The following CNTN5 variants were observed in gnomAD, a reference collection of about 807,000 sequenced individuals.
CNTN5 encodes the protein contactin-5.
Under a neutral mutation model 129.1 loss-of-function variants are expected in CNTN5, and 77 were observed. That is an observed-to-expected ratio of 0.60 (90% CI 0.50 to 0.72). The LOEUF (loss-of-function observed/expected upper bound fraction) is 0.72. Ranked by LOEUF, CNTN5 falls within the 30% of genes least tolerant of loss-of-function variation. The pLI is 0.00. For synonymous variants in CNTN5, 509 were observed against 465.6 expected (o/e 1.09, Z -1.20); for missense variants, 1,478 against 1,328.8 (o/e 1.11, Z -1.75).
intron 3 of CNTN5, among the ~76,000 whole-genome samples, chr11:99,706,804 C>G (rs978990073): frequency 1.7e-4 from 26 of 149,438 alleles, no homozygotes; most frequent in African/African-American, 6.1e-4. Flanking sequence ...GGTGTTCTTC[C>G]TATCATAATC....
chr11:99,288,354 G>C (rs1864030129), intron 1 of CNTN5, among the ~76,000 whole-genome samples: 1 of 151,840 alleles, frequency 6.6e-6, no homozygotes, highest in Non-Finnish European at 1.5e-5. Flanking sequence ...ATGTTCCAAT[G>C]GTTCTCTGGT....
chr11:99,202,846 T>C (rs1018793428), intron 1 of CNTN5, among the ~76,000 whole-genome samples: 1 of 151,734 alleles, frequency 6.6e-6, no homozygotes, highest in African/African-American at 2.4e-5. Context: ...TATTAAAATA[T>C]TTGCCTTTTC....
intron 13 of CNTN5, among the ~76,000 whole-genome samples, chr11:100,110,194 AAAAAAAGAAAAG>A (rs1339588996): frequency 1.1e-4 from 17 of 151,238 alleles, no homozygotes; most frequent in African/African-American, 4.2e-4. Context: ...CTAAAAAAAA[AAAAAAAGAAAAG>A]AAAAAGAAAA....
intron 6 of CNTN5, among the ~76,000 whole-genome samples, chr11:99,847,017 C>T (rs940193692): frequency 6.6e-6 from 1 of 152,238 alleles, no homozygotes; most frequent in Non-Finnish European, 1.5e-5. Context: ...ATAAATAACC[C>T]TCATAATAGC....
At chr11:100,284,222 C>T (rs1950713202) in intron 18 of CNTN5, among the ~76,000 whole-genome samples, 1 of 152,178 alleles carries the variant, frequency 6.6e-6, no homozygotes, top group African/African-American at 2.4e-5. Flanking sequence ...AAACCAAATA[C>T]TGTGAGTGCT....
At chr11:100,340,071 C>T (rs1952126845) in intron 21 of CNTN5, among the ~76,000 whole-genome samples, 1 of 152,100 alleles carries the variant, frequency 6.6e-6, no homozygotes, top group Admixed American at 6.6e-5. Context: ...ACTCAGATGC[C>T]ACATACTCAG....
intron 2 of CNTN5, among the ~76,000 whole-genome samples, chr11:99,426,934 A>G (rs912219175): frequency 1.3e-5 from 2 of 152,232 alleles, no homozygotes; most frequent in Non-Finnish European, 2.9e-5. Context: ...AATTACATGG[A>G]TATAATAATC....
At chr11:99,386,842 A>G (rs2136176026) in intron 2 of CNTN5, among the ~76,000 whole-genome samples, 1 of 152,326 alleles carries the variant, frequency 6.6e-6, no homozygotes, top group African/African-American at 2.4e-5. Context: ...TAAGCAATCA[A>G]CAAATAACCT....
At chr11:99,473,481 T>A (rs756900781) in intron 2 of CNTN5, among the ~76,000 whole-genome samples, 5 of 152,160 alleles carry the variant, frequency 3.3e-5, no homozygotes, top group African/African-American at 4.8e-5. Context: ...CAAGAATAAT[T>A]TGCATTTGAA....
intron 1 of CNTN5, among the ~76,000 whole-genome samples, chr11:99,247,876 G>C (rs1454590461): frequency 1.3e-5 from 2 of 152,096 alleles, no homozygotes; most frequent in African/African-American, 2.4e-5. Flanking sequence ...GGACATTTGG[G>C]TTGGTTCCAA....
At chr11:99,364,692 T>A (rs1391952378) in intron 2 of CNTN5, among the ~76,000 whole-genome samples, 1 of 152,132 alleles carries the variant, frequency 6.6e-6, no homozygotes, top group Non-Finnish European at 1.5e-5. Flanking sequence ...TTCATAAGAA[T>A]AAGATACTTT....
chr11:99,931,032 T>C (rs1459753341), intron 7 of CNTN5, among the ~76,000 whole-genome samples: 1 of 152,216 alleles, frequency 6.6e-6, no homozygotes, highest in African/African-American at 2.4e-5. Context: ...AAAAGACTGC[T>C]TCAACCTAAA....
At chr11:99,435,395 T>C (rs772215786) in intron 2 of CNTN5, among the ~76,000 whole-genome samples, 13 of 152,116 alleles carry the variant, frequency 8.5e-5, no homozygotes, top group Non-Finnish European at 1.6e-4. Flanking sequence ...AGGGATTAAG[T>C]CTTCTGGAAT....
At chr11:99,186,210 A>C (rs1225184554) in intron 1 of CNTN5, among the ~76,000 whole-genome samples, 1 of 151,900 alleles carries the variant, frequency 6.6e-6, no homozygotes, top group East Asian at 1.9e-4. Context: ...TTATTCCATT[A>C]TGAACCACAG....
chr11:100,187,230 C>T (rs1016255274), intron 13 of CNTN5, among the ~76,000 whole-genome samples: 3 of 152,000 alleles, frequency 2.0e-5, no homozygotes, highest in African/African-American at 4.8e-5. Flanking sequence ...TTTTGTACAT[C>T]GATTTTGTAT....
At chr11:99,197,169 T>A (rs1858944759) in intron 1 of CNTN5, among the ~76,000 whole-genome samples, 1 of 152,010 alleles carries the variant, frequency 6.6e-6, no homozygotes, top group African/African-American at 2.4e-5. Context: ...ACAAAGTTCT[T>A]AACACATCCC....
intron 3 of CNTN5, among the ~76,000 whole-genome samples, chr11:99,610,302 T>G (rs1173513481): frequency 6.6e-6 from 1 of 152,164 alleles, no homozygotes; most frequent in Non-Finnish European, 1.5e-5. Context: ...AATGGCCTAT[T>G]TGAGTCTGGC....
intron 2 of CNTN5, among the ~76,000 whole-genome samples, chr11:99,460,251 A>AAAGAAATATTTAAGAAATTATTT (rs1944644765): frequency 6.6e-6 from 1 of 151,698 alleles, no homozygotes; most frequent in South Asian, 2.1e-4. Context: ...AGAAATTTTT[A>AAAGAAATATTTAAGAAATTATTT]AAGAAATATT....
intron 18 of CNTN5, among the ~76,000 whole-genome samples, chr11:100,292,718 G>A (rs1156858849): frequency 6.6e-5 from 10 of 151,954 alleles, no homozygotes; most frequent in Admixed American, 4.6e-4. Context: ...TTTTAAGACA[G>A]CATTACTTGT....
Sources: allele counts gnomAD v4.1 joint callset (sites outside exome capture counted in the v4.1 genomes callset), GRCh38; gene constraint gnomAD v4.1.1; transcripts MANE v1.5; gene names NCBI Gene and HGNC (gene_info 2026-07-23, HGNC 2026-07-21).